The following ADGRL3 variants were observed in gnomAD, a reference collection of about 807,000 sequenced individuals.
ADGRL3 encodes calcium-independent alpha-latrotoxin receptor 3.
A neutral mutation model predicts 153.5 loss-of-function variants in ADGRL3; 62 were observed. That is an observed-to-expected ratio of 0.40 (90% CI 0.33 to 0.50). The LOEUF (loss-of-function observed/expected upper bound fraction) is 0.50, where lower values mean the gene tolerates loss of function less well. Among genes scored for constraint, ADGRL3 ranks in the 20% least tolerant of loss-of-function variants. ADGRL3 has a pLI of 0.47. For missense variants in ADGRL3, 1,641 were observed against 1,859.4 expected (o/e 0.88, Z 2.16); for synonymous variants, 710 against 672.5 (o/e 1.06, Z -0.86).
intron 8 of ADGRL3, among the ~76,000 whole-genome samples, chr4:61,791,775 G>T (rs1199729489): frequency 6.6e-6 from 1 of 152,180 alleles, no homozygotes; most frequent in Admixed American, 6.5e-5. Flanking sequence ...CCCAATTCTT[G>T]ACTTATCTGG....
At chr4:61,841,696 A>T (rs148213632) in intron 9 of ADGRL3, among the ~76,000 whole-genome samples, 1 of 152,356 alleles carries the variant, frequency 6.6e-6, no homozygotes, top group East Asian at 1.9e-4. Context: ...TATTGGATAA[A>T]GTAAAATAAA....
chr4:61,553,926 A>G (rs1301388368), intron 4 of ADGRL3, among the ~76,000 whole-genome samples: 2 of 152,148 alleles, frequency 1.3e-5, no homozygotes, highest in African/African-American at 4.8e-5. Flanking sequence ...GGCAATCAGA[A>G]TTTACATATC....
chr4:61,420,081 C>T (rs964235424), intron 2 of ADGRL3, among the ~76,000 whole-genome samples: 1 of 152,052 alleles, frequency 6.6e-6, no homozygotes, highest in Admixed American at 6.6e-5. Flanking sequence ...AGATTACAGG[C>T]GTGAGCCACC....
At chr4:61,231,997 T>C (rs1435330812) in intron 1 of ADGRL3, among the ~76,000 whole-genome samples, 3 of 151,468 alleles carry the variant, frequency 2.0e-5, no homozygotes, top group Admixed American at 2.0e-4. Flanking sequence ...ATAGATAAAT[T>C]AGGAAAATTG....
chr4:61,238,222 C>G (rs554297554), intron 1 of ADGRL3, among the ~76,000 whole-genome samples: 1 of 152,086 alleles, frequency 6.6e-6, no homozygotes, highest in Admixed American at 6.6e-5. Context: ...CCTTACATTG[C>G]CTCTTTAGAT....
chr4:61,545,770 C>T (rs570273845), intron 4 of ADGRL3, among the ~76,000 whole-genome samples: 37 of 152,262 alleles, frequency 2.4e-4, no homozygotes, highest in African/African-American at 8.9e-4. Flanking sequence ...CTGCCTCGGC[C>T]TCCCAAAGTG....
chr4:61,406,666 G>C (rs2097002229), intron 2 of ADGRL3, among the ~76,000 whole-genome samples: 1 of 151,486 alleles, frequency 6.6e-6, no homozygotes, highest in East Asian at 1.9e-4. Flanking sequence ...ATAAATCATT[G>C]GAGTTATTAA....
chr4:61,852,283 T>A (rs112441959), intron 9 of ADGRL3, among the ~76,000 whole-genome samples: 8 of 141,462 alleles, frequency 5.7e-5, no homozygotes, highest in Admixed American at 2.7e-4. Context: ...ACTTATTTTA[T>A]TTTAATTTTA....
intron 4 of ADGRL3, among the ~76,000 whole-genome samples, chr4:61,565,793 C>T (rs1393039443): frequency 6.6e-6 from 1 of 152,142 alleles, no homozygotes; most frequent in Non-Finnish European, 1.5e-5. Flanking sequence ...CTGCCTAGGC[C>T]TCCCAAAGTG....
At chr4:61,253,402 T>G (rs960847153) in intron 1 of ADGRL3, among the ~76,000 whole-genome samples, 2 of 152,178 alleles carry the variant, frequency 1.3e-5, no homozygotes, top group African/African-American at 4.8e-5. Flanking sequence ...AACCTTTAGG[T>G]TGTTGACTCA....
intron 3 of ADGRL3, among the ~76,000 whole-genome samples, chr4:61,498,292 T>G (rs999821812): frequency 1.3e-5 from 2 of 152,116 alleles, no homozygotes; most frequent in Non-Finnish European, 2.9e-5. Context: ...GGTTCACACC[T>G]GTAACCCCAG....
At chr4:61,796,316 A>G (rs979477155) in intron 8 of ADGRL3, among the ~76,000 whole-genome samples, 2 of 152,002 alleles carry the variant, frequency 1.3e-5, no homozygotes, top group South Asian at 4.2e-4. Context: ...TAATTCCTCC[A>G]CAGAGAGGCT....
chr4:61,641,430 TC>T (rs1217834701), intron 5 of ADGRL3, among the ~76,000 whole-genome samples: 3 of 86,916 alleles, frequency 3.5e-5, no homozygotes, highest in South Asian at 4.9e-4. Context: ...ATGCTATCCC[TC>T]CCCCCTCCCC....
At chr4:61,422,578 T>G (rs773193128) in intron 2 of ADGRL3, among the ~76,000 whole-genome samples, 1 of 152,114 alleles carries the variant, frequency 6.6e-6, no homozygotes, top group African/African-American at 2.4e-5. Flanking sequence ...AAAACCAAAA[T>G]TGGTCCAACA....
intron 8 of ADGRL3, among the ~76,000 whole-genome samples, chr4:61,759,319 T>C (rs2096879390): frequency 6.6e-6 from 1 of 152,162 alleles, no homozygotes; most frequent in Non-Finnish European, 1.5e-5. Flanking sequence ...CAATCAGACG[T>C]AGATTTGGTG....
chr4:61,514,500 A>G (rs1012247441), intron 3 of ADGRL3, among the ~76,000 whole-genome samples: 3 of 152,230 alleles, frequency 2.0e-5, no homozygotes, highest in Non-Finnish European at 2.9e-5. Flanking sequence ...TATCTTGAGT[A>G]TAGTACACAC....
chr4:61,827,136 T>C (rs2097814863), intron 9 of ADGRL3, among the ~76,000 whole-genome samples: 1 of 152,190 alleles, frequency 6.6e-6, no homozygotes, highest in South Asian at 2.1e-4. Flanking sequence ...AACACATGCC[T>C]GGATTCCAAT....
chr4:61,461,014 G>C (rs2097807105), intron 2 of ADGRL3, among the ~76,000 whole-genome samples: 1 of 152,182 alleles, frequency 6.6e-6, no homozygotes, highest in Admixed American at 6.5e-5. Context: ...AGGTTTCAGT[G>C]AGTGGAGATT....
At chr4:61,681,244 C>T (rs2095328202) in intron 6 of ADGRL3, among the ~76,000 whole-genome samples, 1 of 152,138 alleles carries the variant, frequency 6.6e-6, no homozygotes, top group African/African-American at 2.4e-5. Context: ...TAACCACCTA[C>T]TCAGAGTATT....
Sources: gnomAD v4.1 joint callset for allele counts (sites outside exome capture counted in the v4.1 genomes callset) on GRCh38, gnomAD v4.1.1 for gene constraint, MANE v1.5 for transcripts, NCBI Gene and HGNC (gene_info 2026-07-23, HGNC 2026-07-21) for gene names.